Variants in ABL2 observed in about 807,000 individuals in gnomAD.
ABL2 encodes ABL proto-oncogene 2, non-receptor tyrosine kinase, also known as tyrosine-protein kinase ABL2.
Under a neutral mutation model 107.7 loss-of-function variants are expected in ABL2, and 49 were observed. That is an observed-to-expected ratio of 0.45 (90% CI 0.36 to 0.58). The LOEUF (loss-of-function observed/expected upper bound fraction) is 0.58, where lower values mean the gene tolerates loss of function less well. ABL2 is among the 20% of genes least tolerant of loss of function. The probability of loss-of-function intolerance (pLI) is 0.00; values close to 1 mark genes in which losing one functional copy is unlikely to be tolerated. For synonymous variants in ABL2, 549 were observed against 548.6 expected, an observed-to-expected ratio of 1.00 and a Z score of -0.01; for missense variants, 1,245 against 1,457.0, an observed-to-expected ratio of 0.85 and a Z score of 2.37.
chr1:179,136,681 G>T (rs1443481328), intron 1 of ABL2, among the ~76,000 whole-genome samples: 1 of 145,278 alleles, frequency 6.9e-6, no homozygotes, highest in African/African-American at 2.5e-5. Flanking sequence ...ATCCCCCTCT[G>T]CGAGAAACAC....
intron 1 of ABL2, among the ~76,000 whole-genome samples, chr1:179,206,951 G>A (rs1318151129): frequency 6.6e-6 from 1 of 152,264 alleles, no homozygotes; most frequent in East Asian, 1.9e-4. Flanking sequence ...CAGATGTACA[G>A]AGCGAAAAAG....
intron 10 of ABL2, chr1:179,110,955 T>A: frequency 7.5e-7 from 1 of 1,333,036 alleles, no homozygotes; most frequent in Non-Finnish European, 1.0e-6. Context: ...GCATGCTTGC[T>A]AAAATTTGAT....
At chr1:179,146,791 A>G (rs1658011580) in intron 1 of ABL2, among the ~76,000 whole-genome samples, 1 of 152,194 alleles carries the variant, frequency 6.6e-6, no homozygotes, top group Non-Finnish European at 1.5e-5. Context: ...GCCTTCTGCC[A>G]TGAGGAAAAA....
At chr1:179,220,205 T>C (rs1662796675) in intron 1 of ABL2, among the ~76,000 whole-genome samples, 1 of 152,260 alleles carries the variant, frequency 6.6e-6, no homozygotes, top group African/African-American at 2.4e-5. Context: ...ACTCTTCATC[T>C]ACAAAATGGG....
At chr1:179,122,175 A>G (rs1488282034) in intron 4 of ABL2, among the ~76,000 whole-genome samples, 1 of 151,006 alleles carries the variant, frequency 6.6e-6, no homozygotes, top group African/African-American at 2.4e-5. Context: ...CAGCCTCCCA[A>G]AGTGCTGGGA....
In ABL2 at chr1:179,171,894, T is replaced by C. The variant is rs769557248; in HGVS notation, c.158-38520A>G. 1.2e-4 allele frequency among the ~76,000 whole-genome samples: 18 copies of C among 152,164 alleles called. 1 individual carries two copies. The highest frequency in any genetic ancestry group is 7.2e-4 in the Admixed American group (11 of 15,266). On this transcript the variant is annotated intron_variant, in intron 1 of 11. Transcript: ENST00000502732. ...CATTTTTGAAAAAGAATAAAATCAT[T>C]GATGGGAGAAAAAACTCAAAACTAA... is the stretch of plus-strand genomic sequence containing the variant.
Position 179,099,977 on chromosome 1 carries a change from T to C in ABL2, c.*7741A>G, listed in dbSNP as rs1321667954. On this transcript the variant is annotated 3_prime_UTR_variant, in exon 12 of 12. Coordinates refer to ENST00000502732, the MANE Select transcript of ABL2 (RefSeq NM_007314.4). ...AAGGAAAGATCTGAGCGATTCCTCT[T>C]TTACTTACTCCCCCTTTCTTAATGG... 2 of 232,568 alleles carry C rather than the reference T, an allele frequency of 8.6e-6. No homozygotes were observed. The highest frequency in any genetic ancestry group is 1.7e-5 in the Non-Finnish European group (2 of 117,736). The allele number at this position is 232,568 out of a possible 1,614,324, so 14.4% of individuals were successfully genotyped here. A position where few individuals can be genotyped will look rare whatever the true frequency, so the allele number is the denominator to read the frequency against.
intron 1 of ABL2, among the ~76,000 whole-genome samples, chr1:179,205,457 C>G (rs1008324053): frequency 2.0e-5 from 3 of 152,220 alleles, no homozygotes; most frequent in Non-Finnish European, 2.9e-5. Flanking sequence ...AAGGAAGTGA[C>G]ATATATCCCT....
intron 1 of ABL2, among the ~76,000 whole-genome samples, chr1:179,174,065 G>A (rs541273437): frequency 1.3e-5 from 2 of 151,632 alleles, no homozygotes; most frequent in African/African-American, 2.4e-5. Context: ...CGAGGTGGGC[G>A]GATCACAAGG....
rs550898579 is a variant in ABL2 at position 179,108,361 on chromosome 1, G to A, written c.2906C>T (p.Ser969Phe). 3 of 1,614,126 alleles carry A rather than the reference G, an allele frequency of 1.9e-6. No homozygotes were observed. In the Admixed American group the frequency reaches 5.0e-5, roughly 27 times the overall value. Residue 969 changes from serine to phenylalanine, a missense_variant, in exon 12 of 12, where the codon TCT (serine) becomes TTT (phenylalanine). Physicochemically the swap from Ser to Phe is radical, Grantham distance 155 (BLOSUM62 -2). Transcript: ENST00000502732. ...CCGTCGGGGTCGGTCCTTGTCTCCA[G>A]AGGATGTGACCTGATGCTCAGATAA... ...KLLSEHQVTS[S>F]GDKDRPRRVK...
chr1:179,159,258 G>C (rs1218595068), intron 1 of ABL2, among the ~76,000 whole-genome samples: 1 of 152,200 alleles, frequency 6.6e-6, no homozygotes, highest in Non-Finnish European at 1.5e-5. Flanking sequence ...AGAACCTGTA[G>C]TCTAAGGTCA....
intron 4 of ABL2, among the ~76,000 whole-genome samples, chr1:179,125,982 A>G (rs1572648661): frequency 6.6e-6 from 1 of 152,352 alleles, no homozygotes; most frequent in East Asian, 1.9e-4. Context: ...ACCAAGCTCA[A>G]AAGTCTAAAT....
chr1:179,220,802 A>C (rs1041733356), intron 1 of ABL2: 3 of 155,806 alleles, frequency 1.9e-5, no homozygotes, highest in African/African-American at 7.2e-5. Flanking sequence ...GAAATCAATC[A>C]AGAAGAACTT....
Position 179,107,386 on chromosome 1 carries a change from G to A in ABL2, c.*332C>T. On this transcript the variant is annotated 3_prime_UTR_variant, in exon 12 of 12. Transcript: ENST00000502732. ...TGCAGCTGCTGCAGTCTTGCTGAGA[G>A]CAGCCCTGCCTAGCACTTCCCAGCA... The A allele has an allele frequency of 3.2e-6, 1 of 311,276 alleles. No individual in the cohort carries two copies. The highest frequency in any genetic ancestry group is 6.0e-6 in the Non-Finnish European group (1 of 167,580). 19.3% of individuals were successfully genotyped at this position (311,276 alleles called of 1,614,324 possible). A position where few individuals can be genotyped will look rare whatever the true frequency, so the allele number is the denominator to read the frequency against.
At position 179,108,885 on chromosome 1, in the gene ABL2, C is replaced by G; in HGVS notation, c.2382G>C (p.Gln794His). Residue 794 changes from glutamine (Q) to histidine (H), a missense_variant, in exon 12 of 12, where the codon CAG becomes CAC. Physicochemically the swap from Gln to His is conservative, Grantham distance 24. Transcript: ENST00000502732. ...TSSMSSGLPE[Q>H]DRMAMTLPRN... ...TGGGAAGGGTCATTGCCATCCTATCCTGCTCTGGAAGCCCTGAGGACATGG... is the reference window on the plus strand; with the variant it reads ...TGGGAAGGGTCATTGCCATCCTATCGTGCTCTGGAAGCCCTGAGGACATGG... 1 of 1,614,198 alleles carries G rather than the reference C, an allele frequency of 6.2e-7. No individual in the cohort carries two copies. Among genetic ancestry groups the G allele is most frequent in the Non-Finnish European group, 8.5e-7 (1 of 1,180,036 alleles).
At chr1:179,210,132 T>C (rs1662182479) in intron 1 of ABL2, among the ~76,000 whole-genome samples, 1 of 152,172 alleles carries the variant, frequency 6.6e-6, no homozygotes, top group South Asian at 2.1e-4. Context: ...TCAAGTGCTA[T>C]GACTACAGGC....
At chr1:179,132,091 T>C (rs1283578773) in intron 2 of ABL2, among the ~76,000 whole-genome samples, 1 of 152,236 alleles carries the variant, frequency 6.6e-6, no homozygotes, top group Admixed American at 6.5e-5. Context: ...AAATAATCTT[T>C]TTTTCGTTTT....
rs562899587 is a variant in ABL2, at chr1:179,124,464, C to CTTTTTTTTT, written c.687+1904_687+1912dup. On this transcript the variant is annotated intron_variant, in intron 4 of 11. Coordinates refer to ENST00000502732, the MANE Select transcript of ABL2 (RefSeq NM_007314.4). ...TTCTAACATCTTAGATTAGCTTCTG[C>CTTTTTTTTT]TTTTTTTTTTTTTTTTTTTTTTGAG... Among the ~76,000 whole-genome samples the CTTTTTTTTT allele has an allele frequency of 1.2e-3, 97 of 83,354 alleles. 11 individuals carry two copies. Among genetic ancestry groups the CTTTTTTTTT allele is most frequent in the African/African-American group, 1.9e-3 (35 of 18,840 alleles). The allele number at this position is 83,354 out of a possible 152,430, so 54.7% of individuals were successfully genotyped here. A position where few individuals can be genotyped will look rare whatever the true frequency, so the allele number is the denominator to read the frequency against.
chr1:179,164,897 C>T (rs1485493210), intron 1 of ABL2, among the ~76,000 whole-genome samples: 1 of 152,148 alleles, frequency 6.6e-6, no homozygotes, highest in Non-Finnish European at 1.5e-5. Context: ...CCTATATATA[C>T]TATGCTTTTT....
Sources: allele counts gnomAD v4.1 joint callset (sites outside exome capture counted in the v4.1 genomes callset), GRCh38; gene constraint gnomAD v4.1.1; transcripts MANE v1.5; gene names NCBI Gene and HGNC (gene_info 2026-07-23, HGNC 2026-07-21).